Variants in GALK2 observed in about 807,000 individuals in gnomAD.
The protein encoded by GALK2 is galactokinase 2, also known as N-acetylgalactosamine kinase.
Under a neutral mutation model 52.4 loss-of-function variants are expected in GALK2, and 36 were observed. The observed-to-expected ratio is 0.69, with a 90% CI of 0.53 to 0.91. The LOEUF (loss-of-function observed/expected upper bound fraction) is 0.91, where lower values mean the gene tolerates loss of function less well. GALK2 is among the 40% of genes least tolerant of loss of function. The probability of loss-of-function intolerance (pLI) is 0.00; values close to 1 mark genes in which losing one functional copy is unlikely to be tolerated. For synonymous variants in GALK2, 176 were observed against 199.1 expected, an observed-to-expected ratio of 0.88 and a Z score of 0.98; for missense variants, 579 against 559.1, an observed-to-expected ratio of 1.04 and a Z score of -0.36.
intron 5 of GALK2, among the ~76,000 whole-genome samples, chr15:49,255,998 A>C (rs1446828481): frequency 6.6e-6 from 1 of 152,160 alleles, no homozygotes; most frequent in African/African-American, 2.4e-5. Context: ...TCTAACATAA[A>C]AATAACCAAA....
intron 3 of GALK2, chr15:49,225,287 C>T (rs761526593): frequency 4.4e-6 from 2 of 454,100 alleles, no homozygotes; most frequent in Non-Finnish European, 8.8e-6. Flanking sequence ...TCCTGTAGAG[C>T]AGGGTTCCCC....
chr15:49,175,887 A>G (rs1031605390), intron 1 of GALK2, among the ~76,000 whole-genome samples: 2 of 152,068 alleles, frequency 1.3e-5, no homozygotes, highest in African/African-American at 4.8e-5. Flanking sequence ...CCCCCAGTCA[A>G]GTACCCCCTG....
chr15:49,213,087 G>T (rs188616813), intron 2 of GALK2, among the ~76,000 whole-genome samples: 2 of 152,202 alleles, frequency 1.3e-5, no homozygotes, highest in Non-Finnish European at 2.9e-5. Flanking sequence ...TGAAAGTGAG[G>T]TTTTGAAATC....
chr15:49,196,129 G>A (rs949417151), intron 1 of GALK2, among the ~76,000 whole-genome samples: 4 of 151,876 alleles, frequency 2.6e-5, no homozygotes, highest in Admixed American at 1.3e-4. Flanking sequence ...TAGGTCTGCT[G>A]TTTTTCTACT....
intron 7 of GALK2, among the ~76,000 whole-genome samples, chr15:49,287,780 T>C (rs576921064): frequency 6.6e-6 from 1 of 152,220 alleles, no homozygotes; most frequent in Non-Finnish European, 1.5e-5. Context: ...AACATTTATT[T>C]TTCCTTTCTT....
chr15:49,225,389 C>T (rs1363732436), intron 3 of GALK2: 2 of 372,684 alleles, frequency 5.4e-6, no homozygotes, highest in Non-Finnish European at 1.1e-5. Context: ...CACCTGAGCT[C>T]GGTCTCCCGT....
intron 1 of GALK2, among the ~76,000 whole-genome samples, chr15:49,160,574 T>G (rs1457475440): frequency 6.6e-6 from 1 of 151,868 alleles, no homozygotes; most frequent in African/African-American, 2.4e-5. Flanking sequence ...ATAATAGTAA[T>G]AGTACCCAGG....
At chr15:49,283,524 T>C (rs1381313625) in intron 6 of GALK2, 42 bp from the exon 7 acceptor site, 4 of 1,510,178 alleles carry the variant, frequency 2.6e-6, no homozygotes, top group Middle Eastern at 1.7e-4. Context: ...ATTTTCTGCA[T>C]TCTAATAAAT....
Position 49,201,203 on chromosome 15 carries a change from C to T in GALK2, c.95C>T (p.Ser32Phe), listed in dbSNP as rs1464439796. 1 of 1,610,172 alleles carries T rather than the reference C, an allele frequency of 6.2e-7. No individual in the cohort carries two copies. The highest frequency in any genetic ancestry group is 8.5e-7 in the Non-Finnish European group (1 of 1,176,986). ...LKEMFNSKFG[S>F]IPKFYVRAPG... ...GAGATGTTTAACTCCAAGTTTGGAT[C>T]TATTCCCAAGTTTTATGTTCGAGCA... is the stretch of plus-strand genomic sequence containing the variant. Residue 32 changes from serine to phenylalanine, a missense_variant, in exon 2 of 10, where the codon TCT (serine) becomes TTT (phenylalanine). Ser to Phe is a radical substitution (Grantham distance 155, BLOSUM62 -2). Coordinates refer to ENST00000560031, the MANE Select transcript of GALK2 (RefSeq NM_002044.4).
Position 49,171,082 on chromosome 15 carries a change from CTTTTTTTTTTTTT to C in GALK2, c.53+712_53+724del, listed in dbSNP as rs201895577. Among the ~76,000 whole-genome samples the C allele has an allele frequency of 3.7e-3, 477 of 129,942 alleles. 5 individuals carry two copies. Among genetic ancestry groups the C allele is most frequent in the African/African-American group, 0.013 (446 of 35,196 alleles). 85.2% of individuals were successfully genotyped at this position (129,942 alleles called of 152,430 possible). The stretch of plus-strand genomic sequence containing the variant: ...TCCTTTCTTTTTTCTTTTTCTTTTT[CTTTTTTTTTTTTT>C]TTTTGAGACGGAGTTTTGCTCTTGT... On this transcript the variant is annotated intron_variant, in intron 1 of 9. Coordinates refer to ENST00000560031, the MANE Select transcript of GALK2 (RefSeq NM_002044.4).
intron 3 of GALK2, among the ~76,000 whole-genome samples, chr15:49,362,484 T>TG (rs2044412975): frequency 6.6e-6 from 1 of 151,318 alleles, no homozygotes; most frequent in African/African-American, 2.4e-5. Flanking sequence ...TATAGCAGCA[T>TG]GAAAACCGAC....
At chr15:49,312,312 T>TAGA (rs1298384020) in intron 8 of GALK2, among the ~76,000 whole-genome samples, 1 of 152,216 alleles carries the variant, frequency 6.6e-6, no homozygotes, top group Non-Finnish European at 1.5e-5. Context: ...ACAAAGCAGG[T>TAGA]AGAAGAAGGG....
At chr15:49,356,480 AC>A (rs1349074725) in intron 3 of GALK2, among the ~76,000 whole-genome samples, 81 of 149,898 alleles carry the variant, frequency 5.4e-4, no homozygotes, top group Non-Finnish European at 2.7e-4. Flanking sequence ...ATCAAAAGAG[AC>A]AAAGAAGGCC....
intron 1 of GALK2, among the ~76,000 whole-genome samples, chr15:49,173,664 T>C (rs1277795077): frequency 1.3e-5 from 2 of 152,272 alleles, no homozygotes; most frequent in East Asian, 3.8e-4. Context: ...TTATATTTGT[T>C]TTTTTTTACT....
chr15:49,355,298 C>T (rs990947859), intron 3 of GALK2, among the ~76,000 whole-genome samples: 40 of 152,054 alleles, frequency 2.6e-4, no homozygotes, highest in South Asian at 8.3e-4. Flanking sequence ...CTCTGAGCTA[C>T]GGGAGGACAT....
At chr15:49,245,684 A>C (rs941707707) in intron 5 of GALK2, among the ~76,000 whole-genome samples, 5 of 152,180 alleles carry the variant, frequency 3.3e-5, no homozygotes, top group African/African-American at 1.2e-4. Context: ...GCAGTAGTCC[A>C]TTCCAACAAA....
chr15:49,254,789 A>G (rs2091744788), intron 5 of GALK2, among the ~76,000 whole-genome samples: 2 of 144,336 alleles, frequency 1.4e-5, no homozygotes, highest in Admixed American at 1.4e-4. Flanking sequence ...ATTTGGGATA[A>G]TATTGTTACC....
intron 3 of GALK2, among the ~76,000 whole-genome samples, chr15:49,360,682 C>T (rs2044065305): frequency 6.6e-6 from 1 of 152,098 alleles, no homozygotes; most frequent in African/African-American, 2.4e-5. Flanking sequence ...CAAAGTTTTT[C>T]TCCTGTTTTA....
intron 3 of GALK2, among the ~76,000 whole-genome samples, chr15:49,350,451 T>C (rs894356498): frequency 2.0e-5 from 3 of 152,160 alleles, no homozygotes; most frequent in African/African-American, 4.8e-5. Context: ...AAAAGTATCA[T>C]TGACTGGATC....
Sources: gnomAD v4.1 joint callset for allele counts (sites outside exome capture counted in the v4.1 genomes callset) on GRCh38, gnomAD v4.1.1 for gene constraint, MANE v1.5 for transcripts, NCBI Gene and HGNC (gene_info 2026-07-23, HGNC 2026-07-21) for gene names.